Variants in LEF1 observed in about 807,000 individuals in gnomAD.
LEF1 encodes lymphoid enhancer-binding factor 1.
LEF1 carries 14 observed loss-of-function variants against 51.2 expected under a neutral mutation model. That is an observed-to-expected ratio of 0.27 (90% confidence interval 0.18 to 0.43). The LOEUF (loss-of-function observed/expected upper bound fraction) is 0.43, where lower values mean the gene tolerates loss of function less well. Among genes scored for constraint, LEF1 ranks in the 20% least tolerant of loss-of-function variants. The probability of loss-of-function intolerance (pLI) is 1.00; values close to 1 mark genes in which losing one functional copy is unlikely to be tolerated. For missense variants in LEF1, 386 were observed against 512.0 expected (o/e 0.75, Z 2.37); for synonymous variants, 185 against 183.2 (o/e 1.01, Z -0.08).
chr4:108,079,356 CAG>C, intron 7 of LEF1, 134 bp downstream of exon 7: 3 of 980,846 alleles, frequency 3.1e-6, no homozygotes, highest in Non-Finnish European at 4.7e-6. Context: ...TCCTCAGGGA[CAG>C]AGTTTTCAAG....
chr4:108,156,664 T>C (rs982048802), intron 3 of LEF1, among the ~76,000 whole-genome samples: 8 of 152,192 alleles, frequency 5.3e-5, no homozygotes, highest in Non-Finnish European at 8.8e-5. Flanking sequence ...TACTTTATGA[T>C]GGTAACTGAT....
rs1235973534 is a variant in LEF1, at chr4:108,168,214, C to T, written c.-447G>A. The T allele has an allele frequency of 6.6e-6, 1 of 152,230 alleles. No homozygotes were observed. Among genetic ancestry groups the T allele is most frequent in the African/African-American group, 2.4e-5 (1 of 41,460 alleles). 9.4% of individuals were successfully genotyped at this position (152,230 alleles called of 1,614,324 possible). On this transcript the variant is annotated 5_prime_UTR_variant, in exon 1 of 12. Transcript: ENST00000265165. This position sits in a 1 kb window ranked among gnomAD's most constrained non-coding sequence, Gnocchi z 4.6. Reference sequence around the variant, plus strand: ...AGGAGGGTCCGGCGGCGCGTCTCCGCGGAAACCCTCTCCACTGTAGTTACC... The same window carrying T: ...AGGAGGGTCCGGCGGCGCGTCTCCGTGGAAACCCTCTCCACTGTAGTTACC...
In LEF1 at chr4:108,083,187, A is replaced by G. The variant is rs563990673; in HGVS notation, c.638+169T>C. On this transcript the variant is annotated intron_variant, in intron 5 of 11. Transcript: ENST00000265165. ...CGGATCAATCCATTTCAAAGTCTGT[A>G]TGTTTTTTAATCTTTTAAATTGAAA... is the stretch of plus-strand genomic sequence containing the variant. The G allele has an allele frequency of 4.8e-6, 3 of 623,408 alleles. No individual in the cohort carries two copies. The African/African-American group carries it at 5.5e-5, about 11-fold the overall frequency. The allele number at this position is 623,408 out of a possible 1,614,324, so 38.6% of individuals were successfully genotyped here.
chr4:108,066,958 T>C (rs1395170455), intron 9 of LEF1, among the ~76,000 whole-genome samples: 1 of 152,202 alleles, frequency 6.6e-6, no homozygotes, highest in Non-Finnish European at 1.5e-5. Flanking sequence ...TACTGAATAA[T>C]TGAGATATAT....
intron 9 of LEF1, among the ~76,000 whole-genome samples, chr4:108,065,201 T>C (rs1403249637): frequency 6.6e-6 from 1 of 152,122 alleles, no homozygotes; most frequent in East Asian, 1.9e-4. Flanking sequence ...CAAAAATAAT[T>C]TTAGGCTGGG....
chr4:108,067,819 C>A (rs1191422984), intron 9 of LEF1, among the ~76,000 whole-genome samples: 2 of 152,006 alleles, frequency 1.3e-5, no homozygotes, highest in Non-Finnish European at 2.9e-5. Flanking sequence ...CGTGAGCCAC[C>A]ATGGCTGGCC....
chr4:108,083,774 T>C (rs991323181), intron 4 of LEF1, among the ~76,000 whole-genome samples: 3 of 152,222 alleles, frequency 2.0e-5, no homozygotes, highest in Non-Finnish European at 4.4e-5. Context: ...TTGTTTTATA[T>C]AGAATGAGAA....
At chr4:108,141,597 C>A (rs1256221508) in intron 3 of LEF1, among the ~76,000 whole-genome samples, 7 of 152,116 alleles carry the variant, frequency 4.6e-5, no homozygotes, top group African/African-American at 1.7e-4. Context: ...TCAATGCAAG[C>A]GAGTGGCAGC....
chr4:108,153,707 G>A (rs549746127), intron 3 of LEF1, among the ~76,000 whole-genome samples: 130 of 152,310 alleles, frequency 8.5e-4, no homozygotes, highest in Non-Finnish European at 1.4e-3. Context: ...CAAACTTTTA[G>A]TTAGAATATA....
At chr4:108,098,023 C>T (rs746478179) in intron 3 of LEF1, among the ~76,000 whole-genome samples, 5 of 152,026 alleles carry the variant, frequency 3.3e-5, no homozygotes, top group East Asian at 1.9e-4. Flanking sequence ...CTGTTTGGGG[C>T]GGGTTGGTTC....
At chr4:108,075,417 AT>A (rs1738793144) in intron 8 of LEF1, 1 of 152,200 alleles carries the variant, frequency 6.6e-6, no homozygotes, top group African/African-American at 2.4e-5. Flanking sequence ...ATGATCCTCT[AT>A]GTTTCACAAG....
In LEF1 at chr4:108,104,503, AT is replaced by A. The variant is rs59805076; in HGVS notation, c.415-15247del. 0.02 allele frequency among the ~76,000 whole-genome samples: 2,977 copies of A among 148,292 alleles called. 254 individuals carry two copies. In the East Asian group the frequency reaches 0.26, roughly 13 times the overall value. On this transcript the variant is annotated intron_variant, in intron 3 of 11. Transcript: ENST00000265165. ...TATATATATAAATTATTATATAATAATAATATACATATTATATCTCTGAACA... is the reference window on the plus strand; with the variant it reads ...TATATATATAAATTATTATATAATAAAATATACATATTATATCTCTGAACA...
intron 3 of LEF1, among the ~76,000 whole-genome samples, chr4:108,100,591 T>C (rs552135968): frequency 6.6e-6 from 1 of 152,314 alleles, no homozygotes; most frequent in East Asian, 1.9e-4. Flanking sequence ...CTATGTATCT[T>C]TCCCGAGAGC....
At chr4:108,057,487 A>G (rs1737382588) in intron 11 of LEF1, among the ~76,000 whole-genome samples, 1 of 152,150 alleles carries the variant, frequency 6.6e-6, no homozygotes, top group Non-Finnish European at 1.5e-5. Context: ...GAGACCACTG[A>G]AAATATTTAG....
intron 3 of LEF1, among the ~76,000 whole-genome samples, chr4:108,119,721 A>G (rs1742047037): frequency 6.6e-6 from 1 of 152,152 alleles, no homozygotes; most frequent in South Asian, 2.1e-4. Flanking sequence ...AGTCTTTCCT[A>G]TAAGGCGGCC....
intron 3 of LEF1, among the ~76,000 whole-genome samples, chr4:108,158,446 T>C (rs1744866839): frequency 1.3e-5 from 2 of 152,054 alleles, no homozygotes; most frequent in African/African-American, 4.8e-5. Flanking sequence ...GCGCGCAACC[T>C]TTAGTCCCAG....
rs144016321 is a variant in LEF1 at position 108,132,231 on chromosome 4, C to T, written c.414+31337G>A. 1.3e-3 allele frequency among the ~76,000 whole-genome samples: 197 copies of T among 152,278 alleles called. 1 individual carries two copies. The highest frequency in any genetic ancestry group is 4.6e-3 in the African/African-American group (191 of 41,566). On this transcript the variant is annotated intron_variant, in intron 3 of 11. Coordinates refer to ENST00000265165, the MANE Select transcript of LEF1 (RefSeq NM_016269.5). The stretch of plus-strand genomic sequence containing the variant: ...TGTATTCCCACTGACATTCTGGAGA[C>T]GATTCTGTTCCCCAGCCAATGAAGA...
At chr4:108,147,539 A>T (rs903912728) in intron 3 of LEF1, among the ~76,000 whole-genome samples, 1 of 152,194 alleles carries the variant, frequency 6.6e-6, no homozygotes, top group African/African-American at 2.4e-5. Flanking sequence ...TAGATACATA[A>T]GAAGCCCTCA....
At chr4:108,127,687 C>T (rs1026323826) in intron 3 of LEF1, among the ~76,000 whole-genome samples, 9 of 152,086 alleles carry the variant, frequency 5.9e-5, no homozygotes, top group South Asian at 2.1e-4. Context: ...AATAAATTAT[C>T]GTGACTGTAG....
Sources: allele counts gnomAD v4.1 joint callset (sites outside exome capture counted in the v4.1 genomes callset), GRCh38; gene constraint gnomAD v4.1.1; non-coding constraint Gnocchi (gnomAD v3.1); transcripts MANE v1.5; gene names NCBI Gene and HGNC (gene_info 2026-07-23, HGNC 2026-07-21).